PRDM5: variants seen among roughly 807,000 people sequenced by gnomAD.
The protein encoded by PRDM5 is PR/SET domain 5, also known as PR domain zinc finger protein 5.
PRDM5 carries 56 observed loss-of-function variants against 81.2 expected under a neutral mutation model. The ratio of observed to expected loss-of-function variants is 0.69; its 90% CI spans 0.56 to 0.86. PRDM5 has a LOEUF of 0.86. Ranked by LOEUF, PRDM5 falls within the 40% of genes least tolerant of loss-of-function variation. PRDM5 has a pLI of 0.00. For synonymous variants in PRDM5, 267 were observed against 256.4 expected, an observed-to-expected ratio of 1.04 and a Z score of -0.39; for missense variants, 697 against 770.1, an observed-to-expected ratio of 0.91 and a Z score of 1.12.
rs538972480 is a variant in PRDM5 at position 120,860,000 on chromosome 4, T to C, written c.178-6460A>G. ...ACCTCTGACCTAGGCACTCTTTCTA[T>C]TGAAGCAGCTTAAAAATCACAAAAG... On this transcript the variant is annotated intron_variant, in intron 2 of 15. Coordinates refer to ENST00000264808, the MANE Select transcript of PRDM5 (RefSeq NM_018699.4). 1.4e-3 allele frequency among the ~76,000 whole-genome samples: 208 copies of C among 152,306 alleles called. 1 individual carries two copies. The highest frequency in any genetic ancestry group is 4.8e-3 in the African/African-American group (199 of 41,564).
At chr4:120,756,151 A>C (rs565512939) in intron 13 of PRDM5, among the ~76,000 whole-genome samples, 2 of 152,292 alleles carry the variant, frequency 1.3e-5, no homozygotes, top group South Asian at 4.2e-4. Flanking sequence ...ATCTAGGAAA[A>C]GATCATCTTA....
At chr4:120,684,806 A>G (rs1303700358), downstream of PRDM5, 1 of 152,034 alleles carries the variant, frequency 6.6e-6, no homozygotes, top group African/African-American at 2.4e-5. Flanking sequence ...TAAATACATG[A>G]ATTACATAAA....
intron 12 of PRDM5, among the ~76,000 whole-genome samples, chr4:120,777,947 C>G (rs1748429153): frequency 6.6e-6 from 1 of 152,070 alleles, no homozygotes; most frequent in Non-Finnish European, 1.5e-5. Context: ...GGAGTGACCC[C>G]TCCCCAAAAG....
At chr4:120,870,158 A>G (rs1761628422) in intron 2 of PRDM5, among the ~76,000 whole-genome samples, 1 of 152,214 alleles carries the variant, frequency 6.6e-6, no homozygotes, top group South Asian at 2.1e-4. Context: ...GAGGCAGGAA[A>G]GAGGAGGAAA....
chr4:120,869,428 GT>G (rs1761551543), intron 2 of PRDM5, among the ~76,000 whole-genome samples: 1 of 152,118 alleles, frequency 6.6e-6, no homozygotes, highest in East Asian at 1.9e-4. Flanking sequence ...CTTTTAAAAA[GT>G]TCATTGAATT....
intron 2 of PRDM5, among the ~76,000 whole-genome samples, chr4:120,877,454 C>G (rs548876052): frequency 6.6e-6 from 1 of 152,336 alleles, no homozygotes; most frequent in Admixed American, 6.5e-5. Flanking sequence ...AATTCAGTTG[C>G]TTTTCCATTC....
chr4:120,746,744 A>C (rs1743135422), intron 14 of PRDM5, among the ~76,000 whole-genome samples: 1 of 146,284 alleles, frequency 6.8e-6, no homozygotes, highest in Non-Finnish European at 1.5e-5. Flanking sequence ...ATACCATCTC[A>C]CACCAGTTAC....
chr4:120,799,636 T>TA, intron 9 of PRDM5, 25 bp downstream of exon 9: 1 of 1,608,932 alleles, frequency 6.2e-7, no homozygotes, highest in Non-Finnish European at 8.5e-7. Flanking sequence ...GATATCACTA[T>TA]AAACAAAAAA....
intron 14 of PRDM5, among the ~76,000 whole-genome samples, chr4:120,723,916 A>C (rs1201203205): frequency 1.5e-5 from 2 of 133,362 alleles, no homozygotes; most frequent in Non-Finnish European, 3.1e-5. Context: ...AATTTAAGAT[A>C]GCTTGAATTT....
Position 120,694,999 on chromosome 4 carries a change from T to C in PRDM5, c.*112A>G, listed in dbSNP as rs1578559299. On this transcript the variant is annotated 3_prime_UTR_variant, in exon 16 of 16. Coordinates refer to ENST00000264808, the MANE Select transcript of PRDM5 (RefSeq NM_018699.4). ...ACTCTAAATGTAGGCAAATAAGAAC[T>C]ATGAGACCAGTAAGTCACTTTTGGC... The C allele has an allele frequency of 7.9e-7, 1 of 1,268,748 alleles. No homozygotes were observed. Among genetic ancestry groups the C allele is most frequent in the Non-Finnish European group, 1.1e-6 (1 of 874,498 alleles). The allele number at this position is 1,268,748 out of a possible 1,614,324, so 78.6% of individuals were successfully genotyped here.
chr4:120,883,696 C>T (rs186457634), intron 2 of PRDM5, among the ~76,000 whole-genome samples: 2 of 151,540 alleles, frequency 1.3e-5, no homozygotes, highest in Non-Finnish European at 2.9e-5. Flanking sequence ...TAAGTCTGCA[C>T]ATTGTGCACA....
intron 14 of PRDM5, chr4:120,731,666 T>G (rs1740283579): frequency 6.6e-6 from 1 of 152,124 alleles, no homozygotes; most frequent in Admixed American, 6.6e-5. Flanking sequence ...TCCAGAAAGC[T>G]CCTTAGTGGA....
intron 3 of PRDM5, among the ~76,000 whole-genome samples, chr4:120,831,074 AATAT>A (rs887050260): frequency 6.6e-6 from 1 of 152,048 alleles, no homozygotes; most frequent in African/African-American, 2.4e-5. Flanking sequence ...TTTGAAAAAA[AATAT>A]ATATACTTCA....
chr4:120,724,644 A>C (rs1739127686), intron 14 of PRDM5, among the ~76,000 whole-genome samples: 1 of 152,190 alleles, frequency 6.6e-6, no homozygotes, highest in African/African-American at 2.4e-5. Flanking sequence ...AAAACCATAA[A>C]GTTTATTCAG....
downstream of PRDM5, among the ~76,000 whole-genome samples, chr4:120,688,878 C>T (rs1237834257): frequency 6.6e-6 from 1 of 152,106 alleles, no homozygotes; most frequent in Admixed American, 6.6e-5. Context: ...GTTTTGATGA[C>T]AGTAATTTTG....
intron 2 of PRDM5, among the ~76,000 whole-genome samples, chr4:120,855,230 C>T (rs545797083): frequency 6.6e-6 from 1 of 152,136 alleles, no homozygotes; most frequent in African/African-American, 2.4e-5. Context: ...CAAACAATTC[C>T]TGTTTTCTTA....
intron 14 of PRDM5, among the ~76,000 whole-genome samples, chr4:120,753,233 T>C (rs182136157): frequency 6.6e-6 from 1 of 152,312 alleles, no homozygotes; most frequent in Admixed American, 6.5e-5. Flanking sequence ...AATAACCTCC[T>C]AATCTCAAGC....
intron 2 of PRDM5, among the ~76,000 whole-genome samples, chr4:120,893,170 G>T (rs1764247760): frequency 6.6e-6 from 1 of 152,220 alleles, no homozygotes; most frequent in South Asian, 2.1e-4. Flanking sequence ...AGTCCAGGGG[G>T]ATTCTCCCGT....
chr4:120,777,235 T>C lies in PRDM5; in HGVS notation c.1490A>G (p.Lys497Arg). The C allele has an allele frequency of 6.2e-7, 1 of 1,613,492 alleles. No individual in the cohort carries two copies. Among genetic ancestry groups the C allele is most frequent in the East Asian group, 2.2e-5 (1 of 44,838 alleles). Residue 497 changes from lysine to arginine, a missense_variant, in exon 13 of 16, where the codon AAA becomes AGA. By Grantham distance (26) the Lys-to-Arg change is conservative. Coordinates refer to ENST00000264808, the MANE Select transcript of PRDM5 (RefSeq NM_018699.4). ...KEKICPYCGQKFASSGTLRVH... is the reference protein window; with the variant it reads ...KEKICPYCGQRFASSGTLRVH... ...TCTGAGTGTACCACTGCTGGCAAAT[T>C]TCTGGCCACAATATGGACAGATTTT...
Sources: allele counts gnomAD v4.1 joint callset (sites outside exome capture counted in the v4.1 genomes callset), GRCh38; gene constraint gnomAD v4.1.1; transcripts MANE v1.5; gene names NCBI Gene and HGNC (gene_info 2026-07-23, HGNC 2026-07-21).